BTBD10: variants seen among roughly 807,000 people sequenced by gnomAD.
The protein encoded by BTBD10 is BTB/POZ domain-containing protein 10.
A neutral mutation model predicts 53.2 loss-of-function variants in BTBD10; 21 were observed. The ratio of observed to expected loss-of-function variants is 0.39; its 90% CI spans 0.28 to 0.57. The LOEUF is 0.57. Among genes scored for constraint, BTBD10 ranks in the 20% least tolerant of loss-of-function variants. BTBD10 has a pLI of 0.53. For missense variants in BTBD10, 360 were observed against 594.7 expected (o/e 0.61, Z 4.10); for synonymous variants, 149 against 192.7 (o/e 0.77, Z 1.88).
At chr11:13,440,032 G>C in intron 2 of BTBD10, 1 of 1,532,802 alleles carries the variant, frequency 6.5e-7, no homozygotes, top group Non-Finnish European at 8.7e-7. Context: ...TAGCACATCT[G>C]ATATTTCCAT....
chr11:13,423,184 G>A (rs1011676681), intron 2 of BTBD10, among the ~76,000 whole-genome samples: 3 of 152,060 alleles, frequency 2.0e-5, no homozygotes, highest in Non-Finnish European at 4.4e-5. Flanking sequence ...AATAAAGCCA[G>A]ACCTAAGGCA....
At chr11:13,403,595 G>C (rs2135767853) in intron 7 of BTBD10, among the ~76,000 whole-genome samples, 1 of 152,218 alleles carries the variant, frequency 6.6e-6, no homozygotes, top group Non-Finnish European at 1.5e-5. Flanking sequence ...TCAAATAAGA[G>C]AATCCAAAGA....
chr11:13,444,227 CT>C (rs563326306), intron 2 of BTBD10, among the ~76,000 whole-genome samples: 89 of 145,160 alleles, frequency 6.1e-4, no homozygotes, highest in Non-Finnish European at 8.7e-4. Context: ...AATATTATGG[CT>C]TTTTTTTTTC....
intron 2 of BTBD10, among the ~76,000 whole-genome samples, chr11:13,436,381 C>G (rs146617676): frequency 6.6e-6 from 1 of 152,184 alleles, no homozygotes; most frequent in Non-Finnish European, 1.5e-5. Flanking sequence ...CTCCAGCTCC[C>G]CAACCAAAAT....
intron 8 of BTBD10, among the ~76,000 whole-genome samples, chr11:13,392,118 C>G (rs1387047195): frequency 6.6e-6 from 1 of 152,146 alleles, no homozygotes; most frequent in East Asian, 1.9e-4. Flanking sequence ...TATTGAGAGT[C>G]ATTAAATTGT....
In BTBD10 at chr11:13,419,617, A is replaced by T. The variant is rs779997318; in HGVS notation, c.427T>A (p.Cys143Ser). ...NSSQSSSDGS[C>S]KTAGEMVFVY... Reference sequence around the variant, plus strand: ...AACACCATCTCCCCAGCTGTCTTACAGCTACCATCTGAACTTGACTGACTA... The same window carrying T: ...AACACCATCTCCCCAGCTGTCTTACTGCTACCATCTGAACTTGACTGACTA... The change falls in exon 4 of 9, where the codon TGT becomes AGT. Residue 143 changes from cysteine to serine, a missense_variant. Physicochemically the swap from Cys to Ser is moderately radical, Grantham distance 112 (BLOSUM62 -1). Transcript: ENST00000278174. 3 of 1,614,120 alleles carry T rather than the reference A, an allele frequency of 1.9e-6. No individual in the cohort carries two copies.
chr11:13,395,847 G>T (rs1949535058), intron 8 of BTBD10, among the ~76,000 whole-genome samples: 1 of 152,176 alleles, frequency 6.6e-6, no homozygotes, highest in Non-Finnish European at 1.5e-5. Flanking sequence ...TCAGATAGTT[G>T]TAGATATGCG....
Position 13,445,198 on chromosome 11 carries a change from T to TAGGTTACATAAA in BTBD10, c.-57-18_-57-17insTTTATGTAACCT. 1 of 995,382 alleles carries TAGGTTACATAAA rather than the reference T, an allele frequency of 1.0e-6. No homozygotes were observed. Among genetic ancestry groups the TAGGTTACATAAA allele is most frequent in the South Asian group, 1.4e-5 (1 of 71,472 alleles). 61.7% of individuals were successfully genotyped at this position (995,382 alleles called of 1,614,324 possible). On this transcript the variant is annotated splice_polypyrimidine_tract_variant and intron_variant, in intron 1 of 8. Transcript: ENST00000278174. The stretch of plus-strand genomic sequence containing the variant: ...ACCCATAACCTACATAAAAGAGCAG[T>TAGGTTACATAAA]GTTGACCTTTAAATCTATTCCACGC...
chr11:13,429,864 G>A (rs1300662981), intron 2 of BTBD10, among the ~76,000 whole-genome samples: 5 of 152,180 alleles, frequency 3.3e-5, no homozygotes, highest in East Asian at 1.9e-4. Context: ...AGCACCTTGC[G>A]AGGTTGAGGT....
rs1341484030 is a variant in BTBD10, at chr11:13,388,555, G to A, written c.*276C>T. The A allele has an allele frequency of 3.0e-6, 1 of 330,250 alleles. No individual in the cohort carries two copies. Among genetic ancestry groups the A allele is most frequent in the Non-Finnish European group, 5.6e-6 (1 of 178,328 alleles). The allele number at this position is 330,250 out of a possible 1,614,324, so 20.5% of individuals were successfully genotyped here. The stretch of plus-strand genomic sequence containing the variant: ...CCACCACTTCTGAAAAGACCTAGCT[G>A]TGTGAAAAAGGACCATCCCCCATAC... On this transcript the variant is annotated 3_prime_UTR_variant, in exon 9 of 9. Transcript: ENST00000278174.
chr11:13,430,414 G>T (rs1179002636), intron 2 of BTBD10, among the ~76,000 whole-genome samples: 1 of 152,176 alleles, frequency 6.6e-6, no homozygotes, highest in East Asian at 1.9e-4. Context: ...TCATACACTT[G>T]TGGTAGGAAT....
At chr11:13,433,294 T>C (rs1212267779) in intron 2 of BTBD10, among the ~76,000 whole-genome samples, 1 of 152,214 alleles carries the variant, frequency 6.6e-6, no homozygotes, top group Non-Finnish European at 1.5e-5. Context: ...CCTACTTTGC[T>C]TATAGGCCAT....
chr11:13,408,653 A>G (rs1392050444), intron 6 of BTBD10, among the ~76,000 whole-genome samples: 2 of 152,148 alleles, frequency 1.3e-5, no homozygotes, highest in East Asian at 3.9e-4. Flanking sequence ...ATCTCAATTA[A>G]TGGCAACCTC....
chr11:13,394,480 G>A (rs1184626090), intron 8 of BTBD10, among the ~76,000 whole-genome samples: 1 of 152,160 alleles, frequency 6.6e-6, no homozygotes. Context: ...TAAGCCTGCG[G>A]AATTGTGCAC....
intron 2 of BTBD10, among the ~76,000 whole-genome samples, chr11:13,438,176 G>A (rs1050292748): frequency 6.6e-6 from 1 of 151,768 alleles, no homozygotes; most frequent in African/African-American, 2.4e-5. Flanking sequence ...CTTTTTTGGT[G>A]GTCTTGACAT....
At chr11:13,434,060 C>A (rs1421991912) in intron 2 of BTBD10, among the ~76,000 whole-genome samples, 1 of 152,068 alleles carries the variant, frequency 6.6e-6, no homozygotes. Context: ...ATATTTTTCC[C>A]ATAAAAATAT....
chr11:13,439,951 G>T, intron 2 of BTBD10: 1 of 1,534,816 alleles, frequency 6.5e-7, no homozygotes, highest in East Asian at 2.4e-5. Flanking sequence ...AGAGTATAAA[G>T]GGACTCTGCT....
intron 2 of BTBD10, among the ~76,000 whole-genome samples, chr11:13,429,977 G>T (rs898531954): frequency 6.6e-6 from 1 of 151,912 alleles, no homozygotes; most frequent in Non-Finnish European, 1.5e-5. Context: ...GTGGTGGCAG[G>T]CATCTGTGGT....
chr11:13,404,519 T>C (rs934586171), intron 7 of BTBD10: 1 of 721,664 alleles, frequency 1.4e-6, no homozygotes, highest in Non-Finnish European at 1.7e-6. Flanking sequence ...AGTTATAAGC[T>C]TGTTCACTCC....
Sources: allele counts gnomAD v4.1 joint callset (sites outside exome capture counted in the v4.1 genomes callset), GRCh38; gene constraint gnomAD v4.1.1; transcripts MANE v1.5; gene names NCBI Gene and HGNC (gene_info 2026-07-23, HGNC 2026-07-21).